Variants in C4orf50 observed in about 807,000 individuals in gnomAD.
C4orf50 encodes uncharacterized protein C4orf50.
Under a neutral mutation model 77.2 loss-of-function variants are expected in C4orf50, and 80 were observed. The ratio of observed to expected loss-of-function variants is 1.04; its 90% CI spans 0.87 to 1.25. The LOEUF is 1.25. Among genes scored for constraint, C4orf50 ranks in the 50% most tolerant of loss-of-function variants. The pLI, the probability that C4orf50 is intolerant of heterozygous loss-of-function variation, is 0.00. For missense variants in C4orf50, 1,257 were observed against 1,152.9 expected, an observed-to-expected ratio of 1.09 and a Z score of -1.31; for synonymous variants, 532 against 465.3, an observed-to-expected ratio of 1.14 and a Z score of -1.84.
intron 7 of C4orf50, among the ~76,000 whole-genome samples, chr4:5,912,647 G>A (rs576873867): frequency 6.6e-6 from 1 of 152,296 alleles, no homozygotes; most frequent in Admixed American, 6.5e-5. Context: ...ATTACTCACA[G>A]TTCCCTAGAG....
chr4:6,015,441 C>T lies in C4orf50; in HGVS notation c.287+2704G>A, dbSNP rs7668798. On this transcript the variant is annotated intron_variant, in intron 23 of 33. Coordinates refer to ENST00000531445, the Ensembl canonical transcript of C4orf50. The surrounding 1 kb of genome is among the most constrained non-coding windows in gnomAD (Gnocchi z 4.4). ...CCCCCCGAGCTTGGGCTTTTGGGAT[C>T]CAGAAATGTGAGAAAATAAGTTTTT... Among the ~76,000 whole-genome samples the T allele has an allele frequency of 0.04, 6,023 of 151,992 alleles. 139 individuals carry two copies. The highest frequency in any genetic ancestry group is 0.051 in the Non-Finnish European group (3,439 of 67,976).
chr4:5,946,179 C>T (rs1718473740), intron 7 of C4orf50, among the ~76,000 whole-genome samples: 2 of 152,190 alleles, frequency 1.3e-5, no homozygotes, highest in Admixed American at 6.5e-5. Flanking sequence ...CCTTGTCCTG[C>T]CCCTGAGCAG....
chr4:5,980,472 CT>C, intron 28 of C4orf50, 134 bp from the exon 7 acceptor site: 1 of 760,572 alleles, frequency 1.3e-6, no homozygotes, highest in Non-Finnish European at 2.1e-6. Flanking sequence ...TTATATTTCT[CT>C]TACAGTAAGT....
At chr4:5,925,434 A>T (rs1319288867) in intron 7 of C4orf50, among the ~76,000 whole-genome samples, 3 of 152,186 alleles carry the variant, frequency 2.0e-5, no homozygotes, top group Non-Finnish European at 2.9e-5. Context: ...TGAGAACTAG[A>T]AAGATAAACT....
intron 7 of C4orf50, among the ~76,000 whole-genome samples, chr4:5,920,281 G>A (rs919993938): frequency 6.6e-6 from 1 of 152,136 alleles, no homozygotes; most frequent in Non-Finnish European, 1.5e-5. Flanking sequence ...CCACTCACTA[G>A]CTGTGAGATC....
rs1029135366 is a variant in C4orf50 at position 5,908,526 on chromosome 4, C to T, written c.*2475-10338G>A. On this transcript the variant is annotated intron_variant, in intron 7 of 7. Transcript: ENST00000324058. The surrounding 1 kb of genome is among the most constrained non-coding windows in gnomAD (Gnocchi z 5.6). ...CAGTGGAGGAAGCAAATGTGTGAAG[C>T]AGACAATGGCAGAGACTCCAAGCAG... 2.0e-5 allele frequency among the ~76,000 whole-genome samples: 3 copies of T among 151,964 alleles called. No individual in the cohort carries two copies. The highest frequency in any genetic ancestry group is 4.4e-5 in the Non-Finnish European group (3 of 68,018).
Position 5,959,642 on chromosome 4 carries a change from C to T in C4orf50, c.4276-16G>A, listed in dbSNP as rs1719165424. 6.2e-7 allele frequency: 1 copy of T among 1,605,596 alleles called. No homozygotes were observed. Among genetic ancestry groups the T allele is most frequent in the Non-Finnish European group, 8.5e-7 (1 of 1,174,092 alleles). On this transcript the variant is annotated splice_polypyrimidine_tract_variant and intron_variant, in intron 33 of 33. Coordinates refer to ENST00000531445, the Ensembl canonical transcript of C4orf50. The stretch of plus-strand genomic sequence containing the variant: ...ACAGAGGGAGCTGCAGGCAAGAGGA[C>T]AATGAAATGGTCTCTGCGTCCACAT...
At chr4:5,920,103 A>G (rs944415432) in intron 7 of C4orf50, among the ~76,000 whole-genome samples, 1 of 152,224 alleles carries the variant, frequency 6.6e-6, no homozygotes, top group African/African-American at 2.4e-5. Context: ...ATGCCGTGCC[A>G]TTTTCTAACA....
At position 6,008,339 on chromosome 4, in the gene C4orf50, C is replaced by A; in HGVS notation, c.620G>T (p.Arg207Leu). ...GGCGCGGCAGAGGCGCCGCACGTTG[C>A]GCTCCAGCCGCTGCACCTGCTCCCG... is the stretch of plus-strand genomic sequence containing the variant. The change falls in exon 25 of 34, where the codon CGC (arginine) becomes CTC (leucine). Residue 207 changes from arginine (R) to leucine (L), a missense_variant. Coordinates refer to ENST00000531445, the Ensembl canonical transcript of C4orf50. The surrounding 1 kb of genome is among the most constrained non-coding windows in gnomAD (Gnocchi z 6.0). 2.6e-6 allele frequency: 1 copy of A among 389,646 alleles called. No homozygotes were observed. The allele number at this position is 389,646 out of a possible 1,614,324, so 24.1% of individuals were successfully genotyped here.
At chr4:5,965,074 T>G (rs6839295) in exon 33 of C4orf50, 1 of 1,611,796 alleles carries the variant, frequency 6.2e-7, no homozygotes, top group South Asian at 1.1e-5. Context: ...GGCTCGGGAA[T>G]AGGCCAGGAC....
chr4:5,959,265 C>A, exon 34 of C4orf50: 1 of 1,287,318 alleles, frequency 7.8e-7, no homozygotes, highest in South Asian at 1.5e-5. Context: ...AAACCACTTG[C>A]CACTAAATGA....
At position 5,948,793 on chromosome 4, in the gene C4orf50, C is replaced by CA. The variant is rs530516177; in HGVS notation, c.*2474+8107dup. 8.1e-3 allele frequency among the ~76,000 whole-genome samples: 840 copies of CA among 103,816 alleles called. 5 individuals carry two copies. The highest frequency in any genetic ancestry group is 0.017 in the African/African-American group (471 of 27,956). The allele number at this position is 103,816 out of a possible 152,430, so 68.1% of individuals were successfully genotyped here. The stretch of plus-strand genomic sequence containing the variant: ...TGGTGACAAAGTGAGACACCATCTC[C>CA]AAAAAAAAAAAAAAAAAATTAGCCA... On this transcript the variant is annotated intron_variant, in intron 7 of 7. Coordinates refer to the C4orf50 transcript ENST00000324058.
intron 32 of C4orf50, among the ~76,000 whole-genome samples, chr4:5,966,251 G>C (rs148345984): frequency 0.03 from 4,504 of 152,240 alleles, 229 homozygotes; most frequent in African/African-American, 0.1. Flanking sequence ...CAAGGCAGGT[G>C]GATCACATGA....
intron 7 of C4orf50, among the ~76,000 whole-genome samples, chr4:5,941,547 G>A (rs1718265551): frequency 6.6e-6 from 1 of 152,164 alleles, no homozygotes; most frequent in Non-Finnish European, 1.5e-5. Context: ...TATTTGTTAA[G>A]TATTCATTTG....
At chr4:5,982,494 T>C (rs1260856731) in intron 28 of C4orf50, among the ~76,000 whole-genome samples, 1 of 152,104 alleles carries the variant, frequency 6.6e-6, no homozygotes, top group African/African-American at 2.4e-5. Flanking sequence ...TAGTTCAACA[T>C]TCAATACAGC....
intron 27 of C4orf50, among the ~76,000 whole-genome samples, chr4:5,991,445 C>A (rs1721291159): frequency 6.6e-6 from 1 of 152,250 alleles, no homozygotes; most frequent in Non-Finnish European, 1.5e-5. Context: ...CTTTGTTCAA[C>A]TCCTGGGCCT....
At chr4:5,953,836 T>A (rs1560560823), downstream of C4orf50, among the ~76,000 whole-genome samples, 1 of 152,208 alleles carries the variant, frequency 6.6e-6, no homozygotes, top group African/African-American at 2.4e-5. Context: ...TGCAAAAAGA[T>A]GCCCGTTCCA....
At chr4:5,952,784 G>A (rs957600253), downstream of C4orf50, among the ~76,000 whole-genome samples, 20 of 152,166 alleles carry the variant, frequency 1.3e-4, no homozygotes, top group South Asian at 4.1e-4. This position sits in a 1 kb window ranked among gnomAD's most constrained non-coding sequence, Gnocchi z 4.4. Context: ...AGGAAGGAGC[G>A]TGCTCAGAGA....
At chr4:5,975,168 A>C (rs71612256) in intron 30 of C4orf50, among the ~76,000 whole-genome samples, 32,264 of 133,856 alleles carry the variant, frequency 0.24, 4,867 homozygotes, top group Middle Eastern at 0.28. Context: ...AAAAAAAAAA[A>C]AAAAAAAAAA....
Sources: gnomAD v4.1 joint callset for allele counts (sites outside exome capture counted in the v4.1 genomes callset) on GRCh38, gnomAD v4.1.1 for gene constraint, Gnocchi (gnomAD v3.1) non-coding constraint, MANE v1.5 for transcripts, NCBI Gene and HGNC (gene_info 2026-07-23, HGNC 2026-07-21) for gene names.